Variants in LRP1B observed in about 807,000 individuals in gnomAD.
LRP1B encodes low-density lipoprotein receptor-related protein 1B.
LRP1B carries 217 observed loss-of-function variants against 556.6 expected under a neutral mutation model. The ratio of observed to expected loss-of-function variants is 0.39; its 90% confidence interval spans 0.35 to 0.44. The LOEUF (loss-of-function observed/expected upper bound fraction) is 0.44. LRP1B is among the 20% of genes least tolerant of loss of function. The pLI, the probability that LRP1B is intolerant of heterozygous loss-of-function variation, is 1.00. For missense variants in LRP1B, 5,053 were observed against 5,620.8 expected (o/e 0.90, Z 3.23); for synonymous variants, 2,047 against 1,865.8 (o/e 1.10, Z -2.50).
intron 7 of LRP1B, among the ~76,000 whole-genome samples, chr2:141,099,096 T>C (rs1700397643): frequency 6.6e-6 from 1 of 152,168 alleles, no homozygotes; most frequent in African/African-American, 2.4e-5. Flanking sequence ...CATGCCACAA[T>C]TGTAAAAATA....
intron 3 of LRP1B, among the ~76,000 whole-genome samples, chr2:141,418,825 T>C (rs1177706032): frequency 6.6e-6 from 1 of 152,098 alleles, no homozygotes; most frequent in Admixed American, 6.5e-5. Context: ...TCACTTTGAA[T>C]AGTATGGACA....
intron 2 of LRP1B, among the ~76,000 whole-genome samples, chr2:141,486,862 A>G (rs976374546): frequency 6.6e-6 from 1 of 152,084 alleles, no homozygotes; most frequent in African/African-American, 2.4e-5. Flanking sequence ...CTGCATGCCT[A>G]TTCCCATGTC....
intron 2 of LRP1B, among the ~76,000 whole-genome samples, chr2:141,601,961 T>C (rs935759787): frequency 6.6e-6 from 1 of 152,124 alleles, no homozygotes; most frequent in Admixed American, 6.6e-5. Flanking sequence ...AAGTTTCTAA[T>C]AGCAAATAAC....
chr2:140,332,194 G>GTT, intron 79 of LRP1B, among the ~76,000 whole-genome samples: 1 of 152,084 alleles, frequency 6.6e-6, no homozygotes, highest in Non-Finnish European at 1.5e-5. Flanking sequence ...TTTTCACACA[G>GTT]TTTTTCTTTA....
Position 140,330,566 on chromosome 2 carries a change from ATTAAC to A in LRP1B, c.12223+3882_12223+3886del, listed in dbSNP as rs749660944. On this transcript the variant is annotated intron_variant, in intron 79 of 90. Coordinates refer to ENST00000389484, the MANE Select transcript of LRP1B (RefSeq NM_018557.3). ...CCCCTTCCTTACACCTTATACAAAA[ATTAAC>A]TTAATATAGATTTAAGACTTAAATG... Among the ~76,000 whole-genome samples the A allele has an allele frequency of 9.0e-4, 137 of 152,236 alleles. 1 individual carries two copies. The highest frequency in any genetic ancestry group is 3.2e-3 in the African/African-American group (132 of 41,560).
chr2:141,890,229 C>T (rs1277319650), intron 1 of LRP1B, among the ~76,000 whole-genome samples: 1 of 150,824 alleles, frequency 6.6e-6, no homozygotes, highest in Non-Finnish European at 1.5e-5. Flanking sequence ...CTCCACTGCT[C>T]TGCAAGCTCC....
intron 41 of LRP1B, among the ~76,000 whole-genome samples, chr2:140,660,946 T>C (rs571426686): frequency 6.6e-6 from 1 of 152,002 alleles, no homozygotes; most frequent in South Asian, 2.1e-4. Context: ...TTTTGTCAAA[T>C]GTTTTCTTAA....
At chr2:142,030,460 C>G (rs572824910) in intron 1 of LRP1B, among the ~76,000 whole-genome samples, 1 of 151,596 alleles carries the variant, frequency 6.6e-6, no homozygotes, top group Non-Finnish European at 1.5e-5. Context: ...TGATAAATGG[C>G]CCTAGAATAC....
intron 3 of LRP1B, among the ~76,000 whole-genome samples, chr2:141,317,465 C>T (rs976717679): frequency 6.6e-6 from 1 of 152,044 alleles, no homozygotes; most frequent in Non-Finnish European, 1.5e-5. Flanking sequence ...GAATTAGGGT[C>T]CCACCCTTAT....
intron 1 of LRP1B, among the ~76,000 whole-genome samples, chr2:142,078,081 A>C (rs1019603337): frequency 2.0e-5 from 3 of 152,092 alleles, no homozygotes; most frequent in Non-Finnish European, 2.9e-5. Context: ...TAATCAAAAC[A>C]TACCCTGCAC....
chr2:141,898,241 C>T (rs1699512590), intron 1 of LRP1B, among the ~76,000 whole-genome samples: 1 of 152,124 alleles, frequency 6.6e-6, no homozygotes, highest in Admixed American at 6.6e-5. Context: ...CTCTGTGCCT[C>T]CCTCAAAGGC....
chr2:140,993,420 C>T (rs1195398285), intron 16 of LRP1B, among the ~76,000 whole-genome samples: 3 of 152,030 alleles, frequency 2.0e-5, no homozygotes, highest in African/African-American at 7.2e-5. Context: ...GAAACTATTC[C>T]TATCCCAGCA....
intron 2 of LRP1B, among the ~76,000 whole-genome samples, chr2:141,603,303 A>G (rs1028609727): frequency 6.6e-6 from 1 of 152,202 alleles, no homozygotes; most frequent in African/African-American, 2.4e-5. Flanking sequence ...TTGAATTATA[A>G]TAGTAACAGT....
chr2:140,415,528 C>T (rs575476660), intron 66 of LRP1B, among the ~76,000 whole-genome samples: 28 of 152,280 alleles, frequency 1.8e-4, no homozygotes, highest in African/African-American at 3.6e-4. Context: ...TCTCTTTGTA[C>T]TGTCTCTCTT....
intron 2 of LRP1B, among the ~76,000 whole-genome samples, chr2:141,618,214 G>A (rs1688380883): frequency 6.6e-6 from 1 of 151,908 alleles, no homozygotes; most frequent in African/African-American, 2.4e-5. Flanking sequence ...GTAATTTATG[G>A]TCATCCTTTT....
At chr2:140,701,585 G>T in intron 40 of LRP1B, 136 bp downstream of exon 40, 1 of 833,886 alleles carries the variant, frequency 1.2e-6, no homozygotes, top group Non-Finnish European at 1.8e-6. Context: ...TATGATACTT[G>T]CAGGAAATTA....
At chr2:141,665,985 G>A (rs13004270) in intron 2 of LRP1B, among the ~76,000 whole-genome samples, 4,339 of 152,196 alleles carry the variant, frequency 0.029, 92 homozygotes, top group Non-Finnish European at 0.04. Flanking sequence ...GGCAGTGGGA[G>A]AAAGAGCATT....
intron 77 of LRP1B, among the ~76,000 whole-genome samples, chr2:140,345,110 A>G (rs1485842307): frequency 6.6e-6 from 1 of 151,662 alleles, no homozygotes; most frequent in Non-Finnish European, 1.5e-5. Context: ...GTGTTATCCT[A>G]TCCATTGTAG....
chr2:140,280,096 A>T (rs1186692308), intron 84 of LRP1B, among the ~76,000 whole-genome samples: 1 of 151,778 alleles, frequency 6.6e-6, no homozygotes, highest in Non-Finnish European at 1.5e-5. Context: ...GGCAAATCTA[A>T]ATGAAAAACT....
Sources: allele counts gnomAD v4.1 joint callset (sites outside exome capture counted in the v4.1 genomes callset), GRCh38; gene constraint gnomAD v4.1.1; transcripts MANE v1.5; gene names NCBI Gene and HGNC (gene_info 2026-07-23, HGNC 2026-07-21).